The following PPP2R1B variants were observed in gnomAD, a reference collection of about 807,000 sequenced individuals.
PPP2R1B encodes the protein serine/threonine-protein phosphatase 2A 65 kDa regulatory subunit A beta isoform.
In PPP2R1B, 58 loss-of-function variants were observed where a neutral mutation model predicts 72.7. The ratio of observed to expected loss-of-function variants is 0.80; its 90% CI spans 0.65 to 0.99. PPP2R1B has a LOEUF of 0.99. Among genes scored for constraint, PPP2R1B ranks in the 50% least tolerant of loss-of-function variants. The probability of loss-of-function intolerance (pLI) is 0.00; values close to 1 mark genes in which losing one functional copy is unlikely to be tolerated. For synonymous variants in PPP2R1B, 256 were observed against 264.6 expected (o/e 0.97, Z 0.32); for missense variants, 695 against 733.6 (o/e 0.95, Z 0.61).
chr11:111,703,142 G>A, the PPP2R1B span: 1 of 1,494,790 alleles, frequency 6.7e-7, no homozygotes, highest in South Asian at 1.1e-5. Context: ...CATGAGTCAA[G>A]CAAATAACCC....
chr11:111,702,679 CAG>C, the PPP2R1B span, among the ~76,000 whole-genome samples: 1 of 152,120 alleles, frequency 6.6e-6, no homozygotes, highest in Non-Finnish European at 1.5e-5. Context: ...CATGTCAGCT[CAG>C]AGAATATGCT....
chr11:111,753,359 G>A (rs1555048546), intron 9 of PPP2R1B, 84 bp downstream of exon 9: 3 of 1,479,430 alleles, frequency 2.0e-6, no homozygotes, highest in Non-Finnish European at 2.8e-6. Context: ...TCTTTTTGGG[G>A]GTTCTATTTT....
intron 11 of PPP2R1B, among the ~76,000 whole-genome samples, chr11:111,744,264 C>A (rs1405713618): frequency 6.6e-6 from 1 of 152,130 alleles, no homozygotes; most frequent in Non-Finnish European, 1.5e-5. Context: ...AGCAACATCA[C>A]GGAGAAGCGA....
the PPP2R1B span, chr11:111,712,475 C>T: frequency 8.6e-5 from 109 of 1,265,494 alleles, 1 homozygote; most frequent in East Asian, 2.6e-3. Flanking sequence ...TTTATCATTT[C>T]GTTAAGTCAC....
At chr11:111,764,712 A>G (rs1945454037) in intron 3 of PPP2R1B, 93 bp downstream of exon 3, 3 of 1,262,526 alleles carry the variant, frequency 2.4e-6, no homozygotes, top group African/African-American at 1.5e-5. Context: ...AAAGATCTGC[A>G]TAAAAAATGC....
chr11:111,748,103 G>A (rs1944769719), intron 10 of PPP2R1B, 89 bp from the exon 11 acceptor site: 1 of 1,229,340 alleles, frequency 8.1e-7, no homozygotes, highest in African/African-American at 1.5e-5. Flanking sequence ...TTACCTGAAG[G>A]CTAAAAAAAC....
intron 3 of PPP2R1B, among the ~76,000 whole-genome samples, chr11:111,763,839 G>C (rs1011758414): frequency 3.5e-5 from 5 of 142,902 alleles, no homozygotes; most frequent in Non-Finnish European, 6.2e-5. Context: ...TACATAGACA[G>C]AAAAAAAACT....
At chr11:111,693,653 C>T in the PPP2R1B span, among the ~76,000 whole-genome samples, 4 of 152,202 alleles carry the variant, frequency 2.6e-5, no homozygotes, top group Non-Finnish European at 4.4e-5. Flanking sequence ...GAATTAATCA[C>T]ACGTCAAACA....
downstream of PPP2R1B, chr11:111,723,662 C>A (rs1203262487): frequency 2.5e-6 from 4 of 1,614,164 alleles, no homozygotes; most frequent in Non-Finnish European, 3.4e-6. Flanking sequence ...CAGCCTGACC[C>A]AGCCCCTGAG....
chr11:111,763,477 TGA>T (rs1336594153), intron 3 of PPP2R1B, among the ~76,000 whole-genome samples: 3 of 152,030 alleles, frequency 2.0e-5, no homozygotes, highest in Non-Finnish European at 4.4e-5. Flanking sequence ...AAGAGTCGGG[TGA>T]GAGGCAAGAG....
chr11:111,712,848 G>A, the PPP2R1B span, among the ~76,000 whole-genome samples: 1 of 152,256 alleles, frequency 6.6e-6, no homozygotes, highest in South Asian at 2.1e-4. Flanking sequence ...ATGTGTTTTT[G>A]TCCAATTTGG....
chr11:111,760,965 A>C lies in PPP2R1B; in HGVS notation c.393T>G (p.His131Gln). Residue 131 changes from histidine to glutamine, a missense_variant, in exon 4 of 15, where the codon CAT (histidine) becomes CAG (glutamine). Coordinates refer to ENST00000527614, the MANE Select transcript of PPP2R1B (RefSeq NM_002716.5). Reference sequence around the variant, plus strand: ...AATAAGCTTCCAGAGCAACAGGAGTATGCTCCTGGGAGATCTGTCTCAGGG... The same window carrying C: ...AATAAGCTTCCAGAGCAACAGGAGTCTGCTCCTGGGAGATCTGTCTCAGGG... ...VESLRQISQE[H>Q]TPVALEAYFV... 3 of 1,614,266 alleles carry C rather than the reference A, an allele frequency of 1.9e-6. No individual in the cohort carries two copies. The highest frequency in any genetic ancestry group is 2.5e-6 in the Non-Finnish European group (3 of 1,180,052).
At position 111,741,943 on chromosome 11, in the gene PPP2R1B, C is replaced by A. The variant is rs1944535783; in HGVS notation, c.1789+110G>T. 20 of 990,742 alleles carry A rather than the reference C, an allele frequency of 2.0e-5. No homozygotes were observed. The South Asian group carries it at 2.4e-4, about 12-fold the overall frequency. 61.4% of individuals were successfully genotyped at this position (990,742 alleles called of 1,614,324 possible). ...GCATTCCAGGAACTTACTACCCTCC[C>A]TGTTTCCCATAATACTTATCATCCT... On this transcript the variant is annotated intron_variant, in intron 14 of 14. Coordinates refer to ENST00000527614, the MANE Select transcript of PPP2R1B (RefSeq NM_002716.5).
intron 5 of PPP2R1B, among the ~76,000 whole-genome samples, chr11:111,756,095 A>G (rs1288092022): frequency 1.3e-5 from 2 of 152,014 alleles, no homozygotes; most frequent in Non-Finnish European, 2.9e-5. Flanking sequence ...CTGTAGTCCC[A>G]GCTACTCGGG....
rs781948919 is a variant in PPP2R1B at position 111,753,479 on chromosome 11, A to G, written c.1128T>C (p.His376=). The part of the protein sequence containing the change: ...TILGKENTIE[H]LLPLFLAQLK... Reference sequence around the variant, plus strand: ...ACTGAGCTAAGAAAAGAGGTAGAAGATGTTCAATGGTATTTTCTTTGCCCA... The same window carrying G: ...ACTGAGCTAAGAAAAGAGGTAGAAGGTGTTCAATGGTATTTTCTTTGCCCA... Residue 376 remains histidine (H), a synonymous_variant, in exon 9 of 15, where the codon CAT becomes CAC. Transcript: ENST00000527614. 7 of 1,613,892 alleles carry G rather than the reference A, an allele frequency of 4.3e-6. No homozygotes were observed. The Admixed American group carries it at 1.2e-4, about 27-fold the overall frequency.
chr11:111,693,032 G>T, the PPP2R1B span, among the ~76,000 whole-genome samples: 1 of 152,010 alleles, frequency 6.6e-6, no homozygotes, highest in East Asian at 1.9e-4. Context: ...TGTTTTCCCC[G>T]TGGGTAAAAA....
intron 1 of PPP2R1B, chr11:111,765,824 G>A: frequency 2.1e-6 from 1 of 474,030 alleles, no homozygotes; most frequent in South Asian, 1.5e-5. Flanking sequence ...GTTCCAAGCC[G>A]AGATGAAGGG....
intron 15 of PPP2R1B, chr11:111,727,140 C>T: frequency 5.0e-6 from 6 of 1,198,850 alleles, no homozygotes; most frequent in Non-Finnish European, 1.2e-6. Context: ...TCCCCAGCTG[C>T]CCCCTCGCCA....
chr11:111,703,144 A>C, the PPP2R1B span: 1 of 1,511,602 alleles, frequency 6.6e-7, no homozygotes, highest in Non-Finnish European at 9.1e-7. Flanking sequence ...TGAGTCAAGC[A>C]AATAACCCTG....
Sources: allele counts gnomAD v4.1 joint callset (sites outside exome capture counted in the v4.1 genomes callset), GRCh38; gene constraint gnomAD v4.1.1; transcripts MANE v1.5; gene names NCBI Gene and HGNC (gene_info 2026-07-23, HGNC 2026-07-21).